RANBP17: variants seen among roughly 807,000 people sequenced by gnomAD.
The protein encoded by RANBP17 is RAN binding protein 17.
Under a neutral mutation model 141.2 loss-of-function variants are expected in RANBP17, and 158 were observed. The ratio of observed to expected loss-of-function variants is 1.12; its 90% CI spans 0.98 to 1.28. RANBP17 has a LOEUF of 1.28. Among genes scored for constraint, RANBP17 ranks in the 50% most tolerant of loss-of-function variants. RANBP17 has a pLI of 0.00. For missense variants in RANBP17, 1,438 were observed against 1,290.7 expected (o/e 1.11, Z -1.75); for synonymous variants, 430 against 450.0 (o/e 0.96, Z 0.56).
intron 18 of RANBP17, 38 bp from the exon 19 acceptor site, chr5:171,199,632 C>A: frequency 7.9e-7 from 1 of 1,259,076 alleles, no homozygotes; most frequent in Non-Finnish European, 1.2e-6. Flanking sequence ...CAATTCTATG[C>A]ATTTTAAACC....
chr5:170,903,967 C>T (rs1031143879), intron 5 of RANBP17: 15 of 487,434 alleles, frequency 3.1e-5, no homozygotes, highest in Admixed American at 1.2e-4. Flanking sequence ...TACACACTGG[C>T]GGATGTTAAC....
At chr5:171,003,841 G>A (rs1393963285) in intron 14 of RANBP17, among the ~76,000 whole-genome samples, 1 of 152,176 alleles carries the variant, frequency 6.6e-6, no homozygotes, top group Non-Finnish European at 1.5e-5. Context: ...AGGCTGGGAC[G>A]AGGGGTGTAG....
At chr5:171,073,422 T>G (rs1784740493) in intron 14 of RANBP17, among the ~76,000 whole-genome samples, 1 of 152,120 alleles carries the variant, frequency 6.6e-6, no homozygotes, top group Non-Finnish European at 1.5e-5. Context: ...CTACCTCTAT[T>G]CTAGGAATGA....
chr5:171,225,370 A>G (rs943979195), intron 22 of RANBP17, among the ~76,000 whole-genome samples: 1 of 152,236 alleles, frequency 6.6e-6, no homozygotes, highest in Non-Finnish European at 1.5e-5. Flanking sequence ...AATAATAGAA[A>G]AATGTTTCTT....
intron 14 of RANBP17, among the ~76,000 whole-genome samples, chr5:171,115,752 C>T (rs1332925816): frequency 4.6e-5 from 7 of 152,082 alleles, no homozygotes; most frequent in Non-Finnish European, 1.0e-4. Context: ...TGGTAAATAT[C>T]GTTAGCTTAG....
At chr5:171,087,208 C>G (rs1444284181) in intron 14 of RANBP17, among the ~76,000 whole-genome samples, 1 of 151,294 alleles carries the variant, frequency 6.6e-6, no homozygotes, top group Non-Finnish European at 1.5e-5. Flanking sequence ...TTTCTGCCTT[C>G]ATTTCGTTAT....
chr5:171,076,375 A>T (rs1178756509), intron 14 of RANBP17, among the ~76,000 whole-genome samples: 1 of 152,216 alleles, frequency 6.6e-6, no homozygotes, highest in Non-Finnish European at 1.5e-5. Flanking sequence ...TTTCTACTGG[A>T]AATATCACTA....
At chr5:170,943,943 T>C (rs1180142036) in intron 12 of RANBP17, among the ~76,000 whole-genome samples, 1 of 152,212 alleles carries the variant, frequency 6.6e-6, no homozygotes, top group Non-Finnish European at 1.5e-5. Flanking sequence ...CCTCATGCTG[T>C]ACATTAGTAG....
At chr5:171,265,974 A>T (rs543243826) in intron 25 of RANBP17, 127 bp downstream of exon 25, 4 of 706,208 alleles carry the variant, frequency 5.7e-6, no homozygotes, top group Non-Finnish European at 9.1e-6. Context: ...ATATATATAT[A>T]TTGTCTGGGA....
intron 14 of RANBP17, among the ~76,000 whole-genome samples, chr5:171,075,965 T>A (rs1168155183): frequency 2.6e-5 from 4 of 151,148 alleles, no homozygotes; most frequent in Admixed American, 2.0e-4. Context: ...AAAGAAAAAA[T>A]TAAAAAAACA....
intron 14 of RANBP17, among the ~76,000 whole-genome samples, chr5:171,051,238 T>C (rs1403317679): frequency 1.3e-5 from 2 of 152,220 alleles, no homozygotes; most frequent in African/African-American, 2.4e-5. Flanking sequence ...TCCTTTTTTC[T>C]TTATTTATTG....
At chr5:171,184,545 C>A (rs147480702) in intron 18 of RANBP17, among the ~76,000 whole-genome samples, 1 of 151,952 alleles carries the variant, frequency 6.6e-6, no homozygotes, top group East Asian at 1.9e-4. Context: ...ATCTGTTGTA[C>A]GTAGATGGTG....
At chr5:171,007,602 C>T (rs970215448) in intron 14 of RANBP17, among the ~76,000 whole-genome samples, 16 of 151,946 alleles carry the variant, frequency 1.1e-4, no homozygotes, top group African/African-American at 3.9e-4. Context: ...GGAACAGAGA[C>T]TAGGGAGGGA....
chr5:171,225,969 T>A (rs1245048989), intron 22 of RANBP17, among the ~76,000 whole-genome samples: 4 of 152,186 alleles, frequency 2.6e-5, no homozygotes, highest in Non-Finnish European at 4.4e-5. Context: ...CAAAACAATT[T>A]CCTGTTTGTA....
chr5:171,178,282 T>A (rs972189838), intron 16 of RANBP17, among the ~76,000 whole-genome samples: 1 of 151,860 alleles, frequency 6.6e-6, no homozygotes, highest in Non-Finnish European at 1.5e-5. Flanking sequence ...TTTGGTTTTC[T>A]GTTCCTGTGT....
chr5:171,002,716 T>C (rs1282304596), intron 14 of RANBP17, among the ~76,000 whole-genome samples: 1 of 152,172 alleles, frequency 6.6e-6, no homozygotes, highest in Non-Finnish European at 1.5e-5. Context: ...TACTATAGCA[T>C]AGCCTGCCTT....
chr5:171,068,259 T>C (rs1784426657), intron 14 of RANBP17, among the ~76,000 whole-genome samples: 4 of 152,178 alleles, frequency 2.6e-5, no homozygotes, highest in Admixed American at 2.6e-4. Context: ...TGGTTAATTT[T>C]ATAACTTCTA....
intron 14 of RANBP17, among the ~76,000 whole-genome samples, chr5:170,983,935 G>A (rs1448733022): frequency 1.3e-5 from 2 of 152,138 alleles, no homozygotes; most frequent in African/African-American, 2.4e-5. Context: ...GGAGGTAGAA[G>A]CAGAATGTGC....
At chr5:171,027,314 A>G (rs1781294317) in intron 14 of RANBP17, among the ~76,000 whole-genome samples, 2 of 152,220 alleles carry the variant, frequency 1.3e-5, no homozygotes, top group African/African-American at 4.8e-5. Context: ...GTCTTAAAGA[A>G]TTAATTTTTG....
Sources: gnomAD v4.1 joint callset for allele counts (sites outside exome capture counted in the v4.1 genomes callset) on GRCh38, gnomAD v4.1.1 for gene constraint, MANE v1.5 for transcripts, NCBI Gene and HGNC (gene_info 2026-07-23, HGNC 2026-07-21) for gene names.